The following DIDO1 variants were observed in gnomAD, a reference collection of about 807,000 sequenced individuals.
DIDO1 encodes death-inducer obliterator 1.
Under a neutral mutation model 99.4 loss-of-function variants are expected in DIDO1, and 16 were observed. That is an observed-to-expected ratio of 0.16 (90% CI 0.11 to 0.24). The LOEUF is 0.24. Among genes scored for constraint, DIDO1 ranks in the 10% least tolerant of loss-of-function variants. DIDO1 has a pLI of 1.00. For missense variants in DIDO1, 2,996 were observed against 3,014.0 expected, an observed-to-expected ratio of 0.99 and a Z score of 0.14; for synonymous variants, 1,366 against 1,239.1, an observed-to-expected ratio of 1.10 and a Z score of -2.15.
intron 1 of DIDO1, among the ~76,000 whole-genome samples, chr20:62,932,119 CT>C (rs2147610251): frequency 6.6e-6 from 1 of 152,352 alleles, no homozygotes; most frequent in South Asian, 2.1e-4. Flanking sequence ...AGGGATTCCC[CT>C]GTCTCAGCCT....
rs1402485023 is a variant in DIDO1, at chr20:62,896,680, C to T, written c.1905G>A (p.Val635=). The T allele has an allele frequency of 2.0e-5, 32 of 1,614,026 alleles. No homozygotes were observed. The highest frequency in any genetic ancestry group is 2.7e-5 in the Non-Finnish European group (32 of 1,180,002). The stretch of plus-strand genomic sequence containing the variant: ...GTACCACTGGCTTCCTTACGGCTCC[C>T]ACCAAAGCAGCGGAGCCAGGGAACT... ...SKKFPGSAAL[V]GAVRKPVVPS... is the part of the protein sequence containing the mutation. Residue 635 remains valine (V), a synonymous_variant, in exon 7 of 16, where the codon GTG becomes GTA. Coordinates refer to ENST00000395343, the MANE Select transcript of DIDO1 (RefSeq NM_001193369.2). This position sits in a 1 kb window ranked among gnomAD's most constrained non-coding sequence, Gnocchi z 4.4.
intron 15 of DIDO1, among the ~76,000 whole-genome samples, chr20:62,886,793 T>C (rs2064303835): frequency 6.6e-6 from 1 of 152,342 alleles, no homozygotes; most frequent in South Asian, 2.1e-4. Flanking sequence ...TGTTCACACC[T>C]GCTGGAACAG....
At chr20:62,906,574 GA>G (rs1224651889) in intron 5 of DIDO1, among the ~76,000 whole-genome samples, 7 of 152,198 alleles carry the variant, frequency 4.6e-5, no homozygotes, top group Admixed American at 3.3e-4. Context: ...AAATAATCAA[GA>G]AAACTCCCTG....
At chr20:62,907,119 C>T (rs768331595) in intron 5 of DIDO1, 28 bp downstream of exon 5, 2 of 1,611,892 alleles carry the variant, frequency 1.2e-6, no homozygotes, top group Non-Finnish European at 1.7e-6. Context: ...GCGTCCACTG[C>T]CTGGGCGGCT....
chr20:62,925,419 A>G (rs6011478), intron 1 of DIDO1, among the ~76,000 whole-genome samples: 34,975 of 152,178 alleles, frequency 0.23, 4,298 homozygotes, highest in East Asian at 0.34. Context: ...TATATAGCAA[A>G]GTTATGTGAA....
At chr20:62,923,215 G>A (rs569602553) in intron 1 of DIDO1, among the ~76,000 whole-genome samples, 35 of 151,754 alleles carry the variant, frequency 2.3e-4, no homozygotes, top group Admixed American at 7.2e-4. Flanking sequence ...TCTCACTGTC[G>A]CCCAGGCTGG....
rs375077898 is a variant in DIDO1 at position 62,922,109 on chromosome 20, T to TATACAC, written c.-200+4329_-200+4330insGTGTAT. 2.0e-3 allele frequency among the ~76,000 whole-genome samples: 216 copies of TATACAC among 110,636 alleles called. 1 individual carries two copies. Among genetic ancestry groups the TATACAC allele is most frequent in the East Asian group, 0.018 (63 of 3,432 alleles). The allele number at this position is 110,636 out of a possible 152,430, so 72.6% of individuals were successfully genotyped here. A position where few individuals can be genotyped will look rare whatever the true frequency, so the allele number is the denominator to read the frequency against. ...ACACTATATATACACACTATATATA[T>TATACAC]ACACACACACACACACATATATACA... On this transcript the variant is annotated intron_variant, in intron 1 of 15. Coordinates refer to ENST00000395343, the MANE Select transcript of DIDO1 (RefSeq NM_001193369.2).
intron 6 of DIDO1, among the ~76,000 whole-genome samples, chr20:62,903,337 C>G (rs1280444185): frequency 6.6e-6 from 1 of 152,160 alleles, no homozygotes; most frequent in South Asian, 2.1e-4. Flanking sequence ...AGGAGGGTGC[C>G]TAGGTGCACT....
At chr20:62,934,301 T>C (rs551839891) in intron 1 of DIDO1, among the ~76,000 whole-genome samples, 1 of 152,314 alleles carries the variant, frequency 6.6e-6, no homozygotes, top group Admixed American at 6.5e-5. Flanking sequence ...CTGGCTGTAG[T>C]TGCCTTTATC....
At chr20:62,897,684 T>C (rs908637587) in intron 6 of DIDO1, among the ~76,000 whole-genome samples, 1 of 152,244 alleles carries the variant, frequency 6.6e-6, no homozygotes, top group Non-Finnish European at 1.5e-5. Context: ...AGGATTATAA[T>C]TAAAAGCTCA....
intron 15 of DIDO1, among the ~76,000 whole-genome samples, chr20:62,885,902 A>G (rs1210918916): frequency 6.6e-6 from 1 of 152,152 alleles, no homozygotes; most frequent in Non-Finnish European, 1.5e-5. Context: ...TGTCCAGCAG[A>G]CCAGTAAGGT....
Position 62,881,799 on chromosome 20 carries a change from T to C in DIDO1, c.4157A>G (p.Asp1386Gly). The change falls in exon 16 of 16, where the codon GAC becomes GGC. Residue 1386 changes from aspartate to glycine, a missense_variant. Transcript: ENST00000395343. The surrounding 1 kb of genome is among the most constrained non-coding windows in gnomAD (Gnocchi z 8.3). ...CTCCGGGTCGTACTCCTCCTCAGGG[T>C]CGTATGGCCTGTCGTCCTCCTCTTC... ...LEEEEDDRPY[D>G]PEEEYDPERA... The C allele has an allele frequency of 6.2e-7, 1 of 1,613,298 alleles. No individual in the cohort carries two copies. The highest frequency in any genetic ancestry group is 8.5e-7 in the Non-Finnish European group (1 of 1,179,980).
chr20:62,937,430 C>T (rs771710165), intron 1 of DIDO1, among the ~76,000 whole-genome samples: 4 of 152,250 alleles, frequency 2.6e-5, no homozygotes, highest in Admixed American at 6.5e-5. Context: ...GGACTCCGCC[C>T]CGCAAGCAAG....
intron 1 of DIDO1, among the ~76,000 whole-genome samples, chr20:62,921,132 G>A (rs572746703): frequency 6.6e-6 from 1 of 152,312 alleles, no homozygotes; most frequent in South Asian, 2.1e-4. Flanking sequence ...CTGACCTCAG[G>A]TGATCCGCCC....
intron 14 of DIDO1, among the ~76,000 whole-genome samples, chr20:62,891,726 C>T (rs2064403139): frequency 6.6e-6 from 1 of 151,212 alleles, no homozygotes; most frequent in Non-Finnish European, 1.5e-5. Context: ...CCGCGGCACA[C>T]TCAGACACCT....
Position 62,896,608 on chromosome 20 carries a change from C to T in DIDO1, c.1977G>A (p.Met659Ile), listed in dbSNP as rs772559650. ...AATTTGGCTGCGATGGTGCAGCACT[C>T]ATAGCCCCAAGGCGTCCTGGGGCTG... ...ASPAPGRLGA[M>I]SAAPSQPNSQ... Residue 659 changes from methionine (M) to isoleucine (I), a missense_variant, in exon 7 of 16, where the codon ATG (methionine) becomes ATA (isoleucine). Physicochemically the swap from Met to Ile is conservative, Grantham distance 10. Coordinates refer to ENST00000395343, the MANE Select transcript of DIDO1 (RefSeq NM_001193369.2). This position sits in a 1 kb window ranked among gnomAD's most constrained non-coding sequence, Gnocchi z 4.4. 1 of 1,613,158 alleles carries T rather than the reference C, an allele frequency of 6.2e-7. No homozygotes were observed. The highest frequency in any genetic ancestry group is 8.5e-7 in the Non-Finnish European group (1 of 1,179,426).
At position 62,922,534 on chromosome 20, in the gene DIDO1, ATC is replaced by A. The variant is rs1411465240; in HGVS notation, c.-200+3903_-200+3904del. On this transcript the variant is annotated intron_variant, in intron 1 of 15. Coordinates refer to ENST00000395343, the MANE Select transcript of DIDO1 (RefSeq NM_001193369.2). ...GGGGGTACAGTGTACCAGGCAGTGT[ATC>A]TGTCTAGGAACGCGGGGGCCACAGG... 7.2e-5 allele frequency among the ~76,000 whole-genome samples: 11 copies of A among 152,110 alleles called. No individual in the cohort carries two copies. The South Asian group carries it at 1.0e-3, about 14-fold the overall frequency.
At chr20:62,908,341 C>T (rs1213011965) in intron 4 of DIDO1, among the ~76,000 whole-genome samples, 1 of 152,158 alleles carries the variant, frequency 6.6e-6, no homozygotes, top group Non-Finnish European at 1.5e-5. Flanking sequence ...CCCTGCCAAG[C>T]CTCTGGAGAC....
intron 8 of DIDO1, among the ~76,000 whole-genome samples, 189 bp from the exon 9 acceptor site, chr20:62,895,354 A>C (rs894665861): frequency 2.0e-5 from 3 of 152,174 alleles, no homozygotes; most frequent in Non-Finnish European, 4.4e-5. Flanking sequence ...CGGCCTTATG[A>C]GAGTGCGCCC....
Sources: gnomAD v4.1 joint callset for allele counts (sites outside exome capture counted in the v4.1 genomes callset) on GRCh38, gnomAD v4.1.1 for gene constraint, Gnocchi (gnomAD v3.1) non-coding constraint, MANE v1.5 for transcripts, NCBI Gene and HGNC (gene_info 2026-07-23, HGNC 2026-07-21) for gene names.